LMBRD2: variants seen among roughly 807,000 people sequenced by gnomAD.
LMBRD2 encodes the protein G protein-coupled receptor-associated protein LMBRD2.
LMBRD2 carries 55 observed loss-of-function variants against 94.4 expected under a neutral mutation model. The ratio of observed to expected loss-of-function variants is 0.58; its 90% confidence interval spans 0.47 to 0.73. The LOEUF (loss-of-function observed/expected upper bound fraction) is 0.73. Among genes scored for constraint, LMBRD2 ranks in the 30% least tolerant of loss-of-function variants. The pLI, the probability that LMBRD2 is intolerant of heterozygous loss-of-function variation, is 0.00. For missense variants in LMBRD2, 640 were observed against 831.9 expected, an observed-to-expected ratio of 0.77 and a Z score of 2.84; for synonymous variants, 246 against 272.4, an observed-to-expected ratio of 0.90 and a Z score of 0.95.
chr5:36,124,261 A>G lies in LMBRD2; in HGVS notation c.752T>C (p.Val251Ala). ...CTTGATGCTTTCATTCACTTTACGA[A>G]CCTCCTATAAAAACAGTAAAATAAA... The part of the protein sequence containing the change: ...EENLEDAMEE[V>A]RKVNESIKYN... The change falls in exon 7 of 18, where the codon GTT becomes GCT. Residue 251 changes from valine (V) to alanine (A), a missense_variant. Physicochemically the swap from Val to Ala is moderately conservative, Grantham distance 64. This residue lies in a region of LMBRD2 where 457 missense variants were observed against 642.8 expected (regional missense o/e 0.71). Coordinates refer to ENST00000296603, the MANE Select transcript of LMBRD2 (RefSeq NM_001007527.2). The G allele has an allele frequency of 6.4e-7, 1 of 1,564,038 alleles. No homozygotes were observed. Among genetic ancestry groups the G allele is most frequent in the Non-Finnish European group, 8.8e-7 (1 of 1,137,050 alleles).
intron 10 of LMBRD2, 68 bp downstream of exon 10, chr5:36,117,667 T>C: frequency 9.0e-7 from 1 of 1,109,454 alleles, no homozygotes; most frequent in Non-Finnish European, 1.3e-6. Context: ...AAGAAATACA[T>C]GGAGAAAATA....
Position 36,116,450 on chromosome 5 carries a change from T to G in LMBRD2, c.1436+10A>C. The G allele has an allele frequency of 6.2e-7, 1 of 1,610,796 alleles. No individual in the cohort carries two copies. The highest frequency in any genetic ancestry group is 1.3e-5 in the African/African-American group (1 of 74,918). The stretch of plus-strand genomic sequence containing the variant: ...ACATTTCTCTTGTTTCTAAACATAA[T>G]CCTACTTACATGCCACTGAAAAGAA... On this transcript the variant is annotated intron_variant, in intron 11 of 17. Transcript: ENST00000296603.
chr5:36,105,674 T>C (rs1206181117), intron 16 of LMBRD2, among the ~76,000 whole-genome samples: 1 of 152,214 alleles, frequency 6.6e-6, no homozygotes, highest in Non-Finnish European at 1.5e-5. Context: ...CGATATTTAA[T>C]TAGAAATTTT....
At position 36,103,897 on chromosome 5, in the gene LMBRD2, T is replaced by C. The variant is rs2111834674; in HGVS notation, c.*149A>G. On this transcript the variant is annotated 3_prime_UTR_variant, in exon 18 of 18. Transcript: ENST00000296603. ...CTATTCAATGCACATTAAACTATTA[T>C]TCCTAAGATATAATTAATTCTCAGT... The C allele has an allele frequency of 3.5e-6, 2 of 575,816 alleles. No homozygotes were observed. The highest frequency in any genetic ancestry group is 3.0e-5 in the East Asian group (1 of 33,368). The allele number at this position is 575,816 out of a possible 1,614,324, so 35.7% of individuals were successfully genotyped here. A position where few individuals can be genotyped will look rare whatever the true frequency, so the allele number is the denominator to read the frequency against.
At chr5:36,135,339 CA>C (rs1744246288) in intron 6 of LMBRD2, among the ~76,000 whole-genome samples, 1 of 152,132 alleles carries the variant, frequency 6.6e-6, no homozygotes, top group Admixed American at 6.6e-5. Context: ...CCCTCTTAGG[CA>C]AATAGTAAGT....
intron 1 of LMBRD2, among the ~76,000 whole-genome samples, chr5:36,145,625 T>C (rs1183638491): frequency 6.6e-6 from 1 of 152,240 alleles, no homozygotes; most frequent in African/African-American, 2.4e-5. Flanking sequence ...GGGTTTTTTT[T>C]CTTTAAAAAA....
At chr5:36,127,579 A>G (rs1744036019) in intron 6 of LMBRD2, among the ~76,000 whole-genome samples, 1 of 152,182 alleles carries the variant, frequency 6.6e-6, no homozygotes, top group Admixed American at 6.5e-5. Flanking sequence ...ATTCACCAAA[A>G]GCTGACTGAA....
At chr5:36,148,597 G>A (rs1210554578) in intron 1 of LMBRD2, among the ~76,000 whole-genome samples, 1 of 152,110 alleles carries the variant, frequency 6.6e-6, no homozygotes, top group Non-Finnish European at 1.5e-5. Context: ...ATTAATACTA[G>A]TACCTGCCAA....
At chr5:36,140,506 A>G (rs1744381179) in intron 4 of LMBRD2, among the ~76,000 whole-genome samples, 1 of 152,210 alleles carries the variant, frequency 6.6e-6, no homozygotes, top group African/African-American at 2.4e-5. Flanking sequence ...TGACAGAAGT[A>G]TTGGCTTTAA....
In LMBRD2 at chr5:36,138,686, G is replaced by A. The variant is rs138990201; in HGVS notation, c.369-1245C>T. On this transcript the variant is annotated intron_variant, in intron 4 of 17. Transcript: ENST00000296603. ...ACTAAACACAATCTATGCATTTTTCGGTACGAACTTATGCTTCAATTTTAA... is the reference window on the plus strand; with the variant it reads ...ACTAAACACAATCTATGCATTTTTCAGTACGAACTTATGCTTCAATTTTAA... Among the ~76,000 whole-genome samples, 421 of 152,184 alleles carry A rather than the reference G, an allele frequency of 2.8e-3. 1 individual carries two copies. Among genetic ancestry groups the A allele is most frequent in the African/African-American group, 9.7e-3 (402 of 41,522 alleles).
At chr5:36,116,680 T>C in intron 10 of LMBRD2, 87 bp from the exon 11 acceptor site, 1 of 1,386,178 alleles carries the variant, frequency 7.2e-7, no homozygotes, top group East Asian at 2.3e-5. Flanking sequence ...TCATTTCTTT[T>C]TCTTTTGTTT....
Position 36,098,918 on chromosome 5 carries a change from A to G in LMBRD2, c.*5128T>C, listed in dbSNP as rs1743294957. Reference sequence around the variant, plus strand: ...GCTAACTAAAGATAAACTTGGCATCATGCACCAAAAATGACCACAGTAACA... The same window carrying G: ...GCTAACTAAAGATAAACTTGGCATCGTGCACCAAAAATGACCACAGTAACA... On this transcript the variant is annotated 3_prime_UTR_variant, in exon 18 of 18. Coordinates refer to ENST00000296603, the MANE Select transcript of LMBRD2 (RefSeq NM_001007527.2). 6.6e-6 allele frequency: 1 copy of G among 152,132 alleles called. No individual in the cohort carries two copies. Among genetic ancestry groups the G allele is most frequent in the South Asian group, 2.1e-4 (1 of 4,834 alleles). The allele number at this position is 152,132 out of a possible 1,614,324, so 9.4% of individuals were successfully genotyped here. A position where few individuals can be genotyped will look rare whatever the true frequency, so the allele number is the denominator to read the frequency against.
rs1258573617 is a variant in LMBRD2, at chr5:36,138,297, T to C, written c.369-856A>G. Among the ~76,000 whole-genome samples, 4 of 152,304 alleles carry C rather than the reference T, an allele frequency of 2.6e-5. No individual in the cohort carries two copies. In the East Asian group the frequency reaches 5.8e-4, roughly 22 times the overall value. ...AATGAGCAAGTGGAGATATCAAATA[T>C]AGAGAATTTATTTAAGAAGTTTGGC... On this transcript the variant is annotated intron_variant, in intron 4 of 17. Transcript: ENST00000296603.
rs575093927 is a variant in LMBRD2 at position 36,115,723 on chromosome 5, C to CAT, written c.1437-604_1437-603insAT. Among the ~76,000 whole-genome samples, 183 of 152,162 alleles carry CAT rather than the reference C, an allele frequency of 1.2e-3. 2 individuals are homozygous for CAT. The highest frequency in any genetic ancestry group is 3.6e-3 in the African/African-American group (151 of 41,490). On this transcript the variant is annotated intron_variant, in intron 11 of 17. Transcript: ENST00000296603. ...TGGTGGCTACAGGAATCTACACACA[C>CAT]ACACACACACACGAATGAAGGATAA...
intron 16 of LMBRD2, among the ~76,000 whole-genome samples, chr5:36,107,962 A>C (rs939077718): frequency 6.6e-6 from 1 of 152,084 alleles, no homozygotes; most frequent in Non-Finnish European, 1.5e-5. Flanking sequence ...CTAGGCAAAA[A>C]CTGGTTTCTT....
rs1334341354 is a variant in LMBRD2, at chr5:36,143,255, C to A, written c.95G>T (p.Arg32Ile). 2.5e-6 allele frequency: 4 copies of A among 1,612,426 alleles called. No homozygotes were observed. The highest frequency in any genetic ancestry group is 3.3e-4 in the Middle Eastern group (2 of 6,082). The change falls in exon 2 of 18, where the codon AGA (arginine) becomes ATA (isoleucine). Residue 32 changes from arginine to isoleucine, a missense_variant. Physicochemically the swap from Arg to Ile is moderately conservative, Grantham distance 97. This residue lies in a region of LMBRD2 where 457 missense variants were observed against 642.8 expected (regional missense o/e 0.71). Transcript: ENST00000296603. ...AAGCAGTGTTCCAATAATCACAAGT[C>A]TATGCTGTTTCTTAAAGTCTCCATA... Reference protein sequence around the residue: ...HRYGDFKKQHRLVIIGTLLAW... With the variant: ...HRYGDFKKQHILVIIGTLLAW...
intron 1 of LMBRD2, among the ~76,000 whole-genome samples, chr5:36,149,704 C>T (rs940299848): frequency 5.9e-5 from 9 of 152,128 alleles, no homozygotes; most frequent in African/African-American, 2.2e-4. Context: ...GTCGGGAGTT[C>T]GAGACCAGCC....
intron 13 of LMBRD2, among the ~76,000 whole-genome samples, chr5:36,111,733 G>A (rs1294149177): frequency 1.3e-5 from 2 of 151,932 alleles, no homozygotes; most frequent in African/African-American, 4.8e-5. Context: ...TGAAAATATG[G>A]AACACAAGGA....
At position 36,132,668 on chromosome 5, in the gene LMBRD2, A is replaced by C. The variant is rs146996349; in HGVS notation, c.747+3641T>G. Among the ~76,000 whole-genome samples the C allele has an allele frequency of 9.3e-3, 1,414 of 151,258 alleles. 42 individuals are homozygous for C. The highest frequency in any genetic ancestry group is 0.053 in the Admixed American group (801 of 15,136). ...GGGCAAAAGATTTGAATTTCTCAAAAAAAAAAAAAAAGACATACAAATGGC... is the reference window on the plus strand; with the variant it reads ...GGGCAAAAGATTTGAATTTCTCAAACAAAAAAAAAAAGACATACAAATGGC... On this transcript the variant is annotated intron_variant, in intron 6 of 17. Coordinates refer to ENST00000296603, the MANE Select transcript of LMBRD2 (RefSeq NM_001007527.2).
Sources: allele counts gnomAD v4.1 joint callset (sites outside exome capture counted in the v4.1 genomes callset), GRCh38; gene constraint gnomAD v4.1.1; regional missense constraint gnomAD v4.1.1; transcripts MANE v1.5; gene names NCBI Gene and HGNC (gene_info 2026-07-23, HGNC 2026-07-21).